The following HECW2 variants were observed in gnomAD, a reference collection of about 807,000 sequenced individuals.
The protein encoded by HECW2 is HECT, C2 and WW domain containing E3 ubiquitin protein ligase 2.
HECW2 carries 61 observed loss-of-function variants against 175.2 expected under a neutral mutation model. The observed-to-expected ratio is 0.35, with a 90% CI of 0.28 to 0.43. The LOEUF (loss-of-function observed/expected upper bound fraction) is 0.43, where lower values mean the gene tolerates loss of function less well. HECW2 is among the 20% of genes least tolerant of loss of function. HECW2 has a pLI of 1.00. For missense variants in HECW2, 1,524 were observed against 2,000.5 expected (o/e 0.76, Z 4.54); for synonymous variants, 671 against 731.0 (o/e 0.92, Z 1.32).
chr2:196,378,852 G>A (rs1315833252), intron 2 of HECW2, among the ~76,000 whole-genome samples: 1 of 152,054 alleles, frequency 6.6e-6, no homozygotes, highest in Non-Finnish European at 1.5e-5. Flanking sequence ...AAGACATTAC[G>A]CTGCCACAAC....
In HECW2 at chr2:196,194,705, C is replaced by T. The variant is rs1018800609; in HGVS notation, c.*6572G>A. The T allele has an allele frequency of 6.6e-5, 10 of 151,978 alleles. No homozygotes were observed. The highest frequency in any genetic ancestry group is 2.4e-4 in the African/African-American group (10 of 41,374). The allele number at this position is 151,978 out of a possible 1,614,324, so 9.4% of individuals were successfully genotyped here. A position where few individuals can be genotyped will look rare whatever the true frequency, so the allele number is the denominator to read the frequency against. ...ATAAGGTGAAGTGAGAGCTGTATAACCTTAATGCTAACAGCAAGCATCTCC... is the reference window on the plus strand; with the variant it reads ...ATAAGGTGAAGTGAGAGCTGTATAATCTTAATGCTAACAGCAAGCATCTCC... On this transcript the variant is annotated 3_prime_UTR_variant, in exon 29 of 29. Coordinates refer to ENST00000644978, the MANE Select transcript of HECW2 (RefSeq NM_001348768.2).
intron 6 of HECW2, among the ~76,000 whole-genome samples, chr2:196,324,033 C>A (rs1195777297): frequency 6.6e-6 from 1 of 150,520 alleles, no homozygotes; most frequent in South Asian, 2.1e-4. Context: ...GGAGAAATGC[C>A]TTGCTGTGTT....
intron 2 of HECW2, among the ~76,000 whole-genome samples, chr2:196,411,853 C>T (rs1695121729): frequency 6.6e-6 from 1 of 152,040 alleles, no homozygotes; most frequent in South Asian, 2.1e-4. Flanking sequence ...TCTACAAAAA[C>T]TACAAAAACT....
chr2:196,274,678 A>G (rs1689875501), intron 15 of HECW2, among the ~76,000 whole-genome samples: 1 of 152,234 alleles, frequency 6.6e-6, no homozygotes. Flanking sequence ...AACACCTGGT[A>G]CAACAGATCT....
At chr2:196,578,100 A>G (rs909448977) in intron 1 of HECW2, among the ~76,000 whole-genome samples, 2 of 152,320 alleles carry the variant, frequency 1.3e-5, no homozygotes, top group African/African-American at 4.8e-5. Context: ...ACTAAAGTAA[A>G]TCATGTCTAA....
rs558830821 is a variant in HECW2, at chr2:196,277,762, G to A, written c.3135+766C>T. Among the ~76,000 whole-genome samples the A allele has an allele frequency of 6.6e-5, 10 of 152,066 alleles. No individual in the cohort carries two copies. The East Asian group carries it at 1.4e-3, about 21-fold the overall frequency. On this transcript the variant is annotated intron_variant, in intron 15 of 28. Coordinates refer to ENST00000644978, the MANE Select transcript of HECW2 (RefSeq NM_001348768.2). ...CAATGATAGACTGGATTAAGAAAAC[G>A]TGGCACATATATACACCATGGAATA...
Position 196,322,504 on chromosome 2 carries a change from C to G in HECW2, c.858G>C (p.Gln286His). Reference protein sequence around the residue: ...RFLGKLTIPVQRLLERQAIGD... With the variant: ...RFLGKLTIPVHRLLERQAIGD... Reference sequence around the variant, plus strand: ...CGATGGCTTGTCGCTCCAGCAGCCTCTGGACTGGAATGGTTAGTTTCCCCA... The same window carrying G: ...CGATGGCTTGTCGCTCCAGCAGCCTGTGGACTGGAATGGTTAGTTTCCCCA... The change falls in exon 7 of 29, where the codon CAG (glutamine) becomes CAC (histidine). Residue 286 changes from glutamine to histidine, a missense_variant. Gln to His is a conservative substitution (Grantham distance 24). Transcript: ENST00000644978. 3.1e-6 allele frequency: 5 copies of G among 1,613,942 alleles called. No homozygotes were observed. Among genetic ancestry groups the G allele is most frequent in the Non-Finnish European group, 4.2e-6 (5 of 1,179,930 alleles).
At chr2:196,322,311 CTTTT>C (rs566112352) in intron 7 of HECW2, among the ~76,000 whole-genome samples, 163 bp downstream of exon 7, 21 of 152,286 alleles carry the variant, frequency 1.4e-4, no homozygotes, top group Middle Eastern at 6.8e-3. Context: ...AAATAAACTA[CTTTT>C]TTGTCAAGTA....
intron 2 of HECW2, among the ~76,000 whole-genome samples, chr2:196,386,836 A>G (rs566763969): frequency 8.5e-5 from 13 of 152,248 alleles, no homozygotes; most frequent in African/African-American, 3.1e-4. Context: ...TACAAACAAA[A>G]CTAGAAAAAG....
intron 28 of HECW2, among the ~76,000 whole-genome samples, chr2:196,208,635 C>T (rs949225457): frequency 3.9e-5 from 6 of 152,190 alleles, no homozygotes; most frequent in African/African-American, 1.4e-4. Context: ...TCACCTCTAA[C>T]CCGAGTCTTG....
chr2:196,393,728 T>C lies in HECW2; in HGVS notation c.292+39404A>G, dbSNP rs145471078. Among the ~76,000 whole-genome samples the C allele has an allele frequency of 6.6e-5, 10 of 152,324 alleles. No individual in the cohort carries two copies. The East Asian group carries it at 1.9e-3, about 29-fold the overall frequency. On this transcript the variant is annotated intron_variant, in intron 2 of 28. Coordinates refer to ENST00000644978, the MANE Select transcript of HECW2 (RefSeq NM_001348768.2). ...GTGGGATTGTAAACTAGCTTAACCA[T>C]TGTGGAAGACAGTGTGGCGATTCCT...
Position 196,535,917 on chromosome 2 carries a change from T to TA in HECW2, c.-36+57590dup, listed in dbSNP as rs367669804. ...ATCTGAGTTAACAAGTATTATGTGT[T>TA]AAAAAAAAATCTACCTCCAGGGGGA... On this transcript the variant is annotated intron_variant, in intron 1 of 28. Transcript: ENST00000644978. 3.3e-3 allele frequency among the ~76,000 whole-genome samples: 497 copies of TA among 151,676 alleles called. 2 individuals carry two copies. The highest frequency in any genetic ancestry group is 0.011 in the African/African-American group (435 of 41,350).
intron 1 of HECW2, among the ~76,000 whole-genome samples, chr2:196,445,494 T>C (rs1696157070): frequency 2.0e-5 from 3 of 152,194 alleles, no homozygotes. Context: ...GTCACTAGAA[T>C]TAGCCACATT....
intron 1 of HECW2, among the ~76,000 whole-genome samples, chr2:196,464,352 AATG>A (rs899600019): frequency 5.3e-5 from 8 of 152,174 alleles, no homozygotes; most frequent in Non-Finnish European, 1.0e-4. Flanking sequence ...TGGGAGTTAG[AATG>A]ATAACTTAAG....
chr2:196,494,439 GAT>G (rs1687308422), intron 1 of HECW2, among the ~76,000 whole-genome samples: 2 of 152,182 alleles, frequency 1.3e-5, no homozygotes, highest in South Asian at 4.1e-4. Context: ...AGATTCAAGA[GAT>G]ATTTTCAAGG....
chr2:196,341,106 AAATCAATCACAGT>A (rs1439065763), intron 3 of HECW2, among the ~76,000 whole-genome samples: 1 of 152,192 alleles, frequency 6.6e-6, no homozygotes, highest in Admixed American at 6.5e-5. Flanking sequence ...GGGAGAAAGA[AAATCAATCACAGT>A]AAAGGGGATA....
chr2:196,221,596 G>T (rs1328671414), intron 24 of HECW2, among the ~76,000 whole-genome samples: 2 of 151,656 alleles, frequency 1.3e-5, no homozygotes, highest in Non-Finnish European at 2.9e-5. Context: ...TCTCACTCTC[G>T]TCCCCCAGGC....
chr2:196,535,002 C>G (rs575541754), intron 1 of HECW2, among the ~76,000 whole-genome samples: 18 of 151,210 alleles, frequency 1.2e-4, no homozygotes, highest in South Asian at 8.4e-4. Flanking sequence ...CAGTCTATAC[C>G]AATTTGCACG....
At chr2:196,580,213 T>G (rs1245888832) in intron 1 of HECW2, among the ~76,000 whole-genome samples, 1 of 151,144 alleles carries the variant, frequency 6.6e-6, no homozygotes, top group East Asian at 1.9e-4. Context: ...AAGGGAGAAA[T>G]GGACAACAAT....
Sources: allele counts gnomAD v4.1 joint callset (sites outside exome capture counted in the v4.1 genomes callset), GRCh38; gene constraint gnomAD v4.1.1; transcripts MANE v1.5; gene names NCBI Gene and HGNC (gene_info 2026-07-23, HGNC 2026-07-21).